KIAA1217: variants seen among roughly 807,000 people sequenced by gnomAD.
The protein encoded by KIAA1217 is sickle tail protein homolog.
KIAA1217 carries 88 observed loss-of-function variants against 163.9 expected under a neutral mutation model. That is an observed-to-expected ratio of 0.54 (90% CI 0.45 to 0.64). The LOEUF is 0.64. Among genes scored for constraint, KIAA1217 ranks in the 30% least tolerant of loss-of-function variants. The pLI is 0.00. For missense variants in KIAA1217, 2,372 were observed against 2,475.0 expected (o/e 0.96, Z 0.88); for synonymous variants, 903 against 923.1 (o/e 0.98, Z 0.39).
intron 5 of KIAA1217, among the ~76,000 whole-genome samples, chr10:24,459,798 G>A (rs1244334801): frequency 6.6e-6 from 1 of 152,114 alleles, no homozygotes; most frequent in African/African-American, 2.4e-5. Flanking sequence ...GGGGATGGTA[G>A]TGTGCACCTA....
At chr10:23,907,949 A>G (rs1842240929) in intron 1 of KIAA1217, among the ~76,000 whole-genome samples, 1 of 152,136 alleles carries the variant, frequency 6.6e-6, no homozygotes. Context: ...CAAAAAAAAA[A>G]AGATGTGAAG....
chr10:24,363,124 A>G (rs997542672), intron 2 of KIAA1217, among the ~76,000 whole-genome samples: 11 of 152,184 alleles, frequency 7.2e-5, no homozygotes, highest in African/African-American at 2.7e-4. Flanking sequence ...TATTTATTAT[A>G]GAAAACCCTG....
At chr10:24,197,807 T>C (rs920781716) in intron 2 of KIAA1217, among the ~76,000 whole-genome samples, 1 of 152,260 alleles carries the variant, frequency 6.6e-6, no homozygotes, top group African/African-American at 2.4e-5. Flanking sequence ...AATCTGATCA[T>C]GTCCTTAGTC....
chr10:24,311,729 G>A (rs1052224546), intron 2 of KIAA1217, among the ~76,000 whole-genome samples: 1 of 152,094 alleles, frequency 6.6e-6, no homozygotes, highest in Non-Finnish European at 1.5e-5. Flanking sequence ...GGGCCTGTGG[G>A]AACTTTTTGT....
At chr10:23,875,769 A>G (rs967233329) in intron 1 of KIAA1217, among the ~76,000 whole-genome samples, 1 of 152,088 alleles carries the variant, frequency 6.6e-6, no homozygotes, top group Admixed American at 6.6e-5. Flanking sequence ...CTATGTAGCC[A>G]TAAAAAATGA....
At chr10:24,023,671 T>C (rs377471164) in intron 2 of KIAA1217, among the ~76,000 whole-genome samples, 1 of 151,848 alleles carries the variant, frequency 6.6e-6, no homozygotes, top group East Asian at 1.9e-4. Flanking sequence ...TAAGTGCTTA[T>C]GTCCTTCAAA....
intron 1 of KIAA1217, among the ~76,000 whole-genome samples, chr10:23,760,404 G>A (rs949918519): frequency 6.6e-6 from 1 of 152,186 alleles, no homozygotes; most frequent in Non-Finnish European, 1.5e-5. Flanking sequence ...TAATAGTTGA[G>A]TTAGTTAAGT....
intron 1 of KIAA1217, among the ~76,000 whole-genome samples, chr10:23,737,647 A>G (rs1166910318): frequency 2.6e-5 from 4 of 152,170 alleles, no homozygotes; most frequent in Non-Finnish European, 4.4e-5. Context: ...AGAATAAAAA[A>G]TAGTACACAT....
intron 1 of KIAA1217, among the ~76,000 whole-genome samples, chr10:23,995,691 A>G (rs1846443565): frequency 6.6e-6 from 1 of 152,184 alleles, no homozygotes; most frequent in African/African-American, 2.4e-5. Context: ...GAAGTTTGGA[A>G]GCACATTAAG....
intron 1 of KIAA1217, among the ~76,000 whole-genome samples, chr10:23,855,874 A>T (rs1588957681): frequency 6.6e-6 from 1 of 152,142 alleles, no homozygotes; most frequent in Non-Finnish European, 1.5e-5. Context: ...AGCTCCTTTA[A>T]GCACTTCTCT....
intron 6 of KIAA1217, among the ~76,000 whole-genome samples, chr10:24,488,734 G>A (rs566102932): frequency 6.6e-6 from 1 of 151,634 alleles, no homozygotes; most frequent in South Asian, 2.1e-4. Context: ...ATTACTTTGG[G>A]TTTTTTTTTC....
chr10:24,533,055 T>A lies in KIAA1217; in HGVS notation c.3247-15T>A, dbSNP rs754303987. ...GAGATGTTAAACCACTATCTGTTGT[T>A]TCAATCTCCCACAGGCAAGCAGTGA... On this transcript the variant is annotated splice_polypyrimidine_tract_variant and intron_variant, in intron 15 of 20. Transcript: ENST00000376454. The A allele has an allele frequency of 3.8e-6, 6 of 1,599,396 alleles. No homozygotes were observed. In the South Asian group the frequency reaches 6.7e-5, roughly 18 times the overall value.
intron 8 of KIAA1217, among the ~76,000 whole-genome samples, chr10:24,500,821 G>A (rs146326777): frequency 6.6e-6 from 1 of 152,264 alleles, no homozygotes; most frequent in East Asian, 1.9e-4. Flanking sequence ...GGTGGTTCAC[G>A]CCTGTAATCC....
At chr10:24,101,351 T>C (rs1290111968) in intron 2 of KIAA1217, among the ~76,000 whole-genome samples, 1 of 152,278 alleles carries the variant, frequency 6.6e-6, no homozygotes, top group East Asian at 1.9e-4. Context: ...ATTCATAAAA[T>C]TGTCTAAGAC....
At chr10:24,468,118 T>A (rs2063141972) in intron 5 of KIAA1217, among the ~76,000 whole-genome samples, 1 of 151,890 alleles carries the variant, frequency 6.6e-6, no homozygotes, top group East Asian at 1.9e-4. Flanking sequence ...GATTCTGGAG[T>A]CTCTAAATTC....
At chr10:23,908,967 C>T (rs1295963693) in intron 1 of KIAA1217, among the ~76,000 whole-genome samples, 1 of 152,052 alleles carries the variant, frequency 6.6e-6, no homozygotes, top group Non-Finnish European at 1.5e-5. Flanking sequence ...AAATGCCCAT[C>T]AATCAACGAG....
At position 24,474,073 on chromosome 10, in the gene KIAA1217, G is replaced by A; in HGVS notation, c.1679+13G>A. 1 of 1,557,794 alleles carries A rather than the reference G, an allele frequency of 6.4e-7. No individual in the cohort carries two copies. Among genetic ancestry groups the A allele is most frequent in the Non-Finnish European group, 8.7e-7 (1 of 1,148,802 alleles). On this transcript the variant is annotated intron_variant, in intron 6 of 20. Coordinates refer to ENST00000376454, the MANE Select transcript of KIAA1217 (RefSeq NM_019590.5). The stretch of plus-strand genomic sequence containing the variant: ...ACAGAGAGACCAGGTAAGGTGCAGT[G>A]AGGGTGACCGAGGGTGGTACCTGGG...
rs149749526 is a variant in KIAA1217, at chr10:24,487,270, C to T, written c.1680-7230C>T. On this transcript the variant is annotated intron_variant, in intron 6 of 20. Coordinates refer to ENST00000376454, the MANE Select transcript of KIAA1217 (RefSeq NM_019590.5). ...TTGATAGCACTGAGCACAGAGGAAC[C>T]CCACAGAATTCTGGCTGGGCTGTAG... Among the ~76,000 whole-genome samples, 769 of 152,320 alleles carry T rather than the reference C, an allele frequency of 5.0e-3. 7 individuals are homozygous for T. Among genetic ancestry groups the T allele is most frequent in the African/African-American group, 0.018 (738 of 41,574 alleles).
At chr10:23,875,478 C>T (rs7094081) in intron 1 of KIAA1217, among the ~76,000 whole-genome samples, 4,585 of 152,010 alleles carry the variant, frequency 0.03, 89 homozygotes, top group Middle Eastern at 0.12. Flanking sequence ...AAAAAGTTTT[C>T]CCCATGAAAA....
Sources: allele counts gnomAD v4.1 joint callset (sites outside exome capture counted in the v4.1 genomes callset), GRCh38; gene constraint gnomAD v4.1.1; transcripts MANE v1.5; gene names NCBI Gene and HGNC (gene_info 2026-07-23, HGNC 2026-07-21).